Variants in EMSY observed in about 807,000 individuals in gnomAD.
EMSY encodes the protein EMSY transcriptional repressor, BRCA2 interacting, also known as BRCA2-interacting transcriptional repressor EMSY.
In EMSY, 26 loss-of-function variants were observed where a neutral mutation model predicts 134.6. The ratio of observed to expected loss-of-function variants is 0.19; its 90% confidence interval spans 0.14 to 0.27. The LOEUF is 0.27. Among genes scored for constraint, EMSY ranks in the 10% least tolerant of loss-of-function variants. The pLI is 1.00. For synonymous variants in EMSY, 579 were observed against 577.8 expected, an observed-to-expected ratio of 1.00 and a Z score of -0.03; for missense variants, 1,305 against 1,611.4, an observed-to-expected ratio of 0.81 and a Z score of 3.26.
intron 13 of EMSY, 92 bp from the exon 15 acceptor site, chr11:76,528,176 A>G (rs560079067): frequency 1.8e-6 from 2 of 1,117,360 alleles, no homozygotes; most frequent in South Asian, 3.0e-5. Flanking sequence ...TAGTTTCCAT[A>G]CCAGGAAAAT....
At chr11:76,493,967 C>A (rs909317947) in intron 8 of EMSY, among the ~76,000 whole-genome samples, 2 of 152,260 alleles carry the variant, frequency 1.3e-5, no homozygotes, top group Non-Finnish European at 2.9e-5. Context: ...GGCTCTGACA[C>A]CCTCTTTGGG....
chr11:76,458,090 A>G (rs939460143), intron 4 of EMSY, 93 bp from the exon 6 acceptor site: 2 of 1,233,068 alleles, frequency 1.6e-6, no homozygotes, highest in Non-Finnish European at 1.1e-6. Context: ...GGCACTTTTT[A>G]TAATTTAAAA....
chr11:76,465,949 G>A (rs1199662695), intron 7 of EMSY, among the ~76,000 whole-genome samples: 1 of 152,140 alleles, frequency 6.6e-6, no homozygotes, highest in African/African-American at 2.4e-5. Flanking sequence ...TGTTTGGACT[G>A]GTAGGATTGT....
chr11:76,521,471 C>A (rs771885821), intron 11 of EMSY, among the ~76,000 whole-genome samples: 11 of 152,156 alleles, frequency 7.2e-5, no homozygotes, highest in Non-Finnish European at 1.3e-4. Flanking sequence ...GGAGTTAAGA[C>A]GAGGAAACAG....
intron 12 of EMSY, among the ~76,000 whole-genome samples, chr11:76,524,596 A>AG (rs1950777408): frequency 6.6e-6 from 1 of 152,226 alleles, no homozygotes; most frequent in South Asian, 2.1e-4. Context: ...GATATGTAAG[A>AG]GGGGATGCTT....
rs533070033 is a variant in EMSY, at chr11:76,500,086, A to T, written c.1363+3617A>T. 3.0e-4 allele frequency among the ~76,000 whole-genome samples: 46 copies of T among 151,732 alleles called. 1 individual carries two copies. Among genetic ancestry groups the T allele is most frequent in the South Asian group, 6.2e-4 (3 of 4,818 alleles). On this transcript the variant is annotated intron_variant, in intron 9 of 20. Coordinates refer to ENST00000334736, the Ensembl canonical transcript of EMSY. ...AGTGAGAGCCTATCTCAAAAAAAAA[A>T]AAAAAACCAAACCCAAAACAATAAA... is the stretch of plus-strand genomic sequence containing the variant.
In EMSY at chr11:76,465,602, TAA is replaced by T. The variant is rs58807004; in HGVS notation, c.831+1534_831+1535del. Among the ~76,000 whole-genome samples the T allele has an allele frequency of 6.9e-3, 985 of 143,156 alleles. 12 individuals are homozygous for T. The highest frequency in any genetic ancestry group is 0.024 in the African/African-American group (928 of 39,256). The allele number at this position is 143,156 out of a possible 152,430, so 93.9% of individuals were successfully genotyped here. A position where few individuals can be genotyped will look rare whatever the true frequency, so the allele number is the denominator to read the frequency against. On this transcript the variant is annotated intron_variant, in intron 7 of 20. Coordinates refer to ENST00000334736, the Ensembl canonical transcript of EMSY. ...AACTCTTTTTCTCTCAAAGTTCCTT[TAA>T]AAAAAAAAAAAGCATCCTACTCTTT...
intron 8 of EMSY, among the ~76,000 whole-genome samples, chr11:76,479,401 C>G (rs1590846271): frequency 6.6e-6 from 1 of 152,204 alleles, no homozygotes; most frequent in South Asian, 2.1e-4. Context: ...CCCAGATTCC[C>G]CTCACACAAG....
chr11:76,503,000 G>C (rs1949932831), intron 9 of EMSY, among the ~76,000 whole-genome samples: 1 of 151,918 alleles, frequency 6.6e-6, no homozygotes, highest in South Asian at 2.1e-4. Flanking sequence ...AAAAAAAGAA[G>C]TAAAAATCAC....
At chr11:76,545,467 A>G (rs926226808) in intron 19 of EMSY, among the ~76,000 whole-genome samples, 1 of 152,218 alleles carries the variant, frequency 6.6e-6, no homozygotes. Flanking sequence ...AAAGCAGAAG[A>G]TTATATGAAA....
At chr11:76,552,584 A>T (rs1014331899), downstream of EMSY, 46 of 152,232 alleles carry the variant, frequency 3.0e-4, no homozygotes, top group African/African-American at 1.0e-3. Flanking sequence ...GTAAACTTTA[A>T]TAAGTGCCTA....
chr11:76,474,536 G>A (rs1590833310), intron 8 of EMSY, among the ~76,000 whole-genome samples: 1 of 152,068 alleles, frequency 6.6e-6, no homozygotes, highest in Admixed American at 6.5e-5. Flanking sequence ...AGCAAGGAAG[G>A]GATTACATAG....
At chr11:76,525,493 A>G (rs1950813850) in intron 12 of EMSY, among the ~76,000 whole-genome samples, 1 of 152,222 alleles carries the variant, frequency 6.6e-6, no homozygotes, top group South Asian at 2.1e-4. Flanking sequence ...AAAACTGATG[A>G]GGTGAAAATT....
At chr11:76,544,801 A>G in exon 19 of EMSY, 1 of 1,614,160 alleles carries the variant, frequency 6.2e-7, no homozygotes. Context: ...CAGCTTCTTC[A>G]GAGAAACAGA....
Position 76,549,870 on chromosome 11 carries a change from T to C in EMSY, c.3775-82T>C, listed in dbSNP as rs563258068. 6 of 1,303,464 alleles carry C rather than the reference T, an allele frequency of 4.6e-6. No individual in the cohort carries two copies. In the South Asian group the frequency reaches 7.6e-5, roughly 16 times the overall value. 80.7% of individuals were successfully genotyped at this position (1,303,464 alleles called of 1,614,324 possible). A position where few individuals can be genotyped will look rare whatever the true frequency, so the allele number is the denominator to read the frequency against. ...GTCCAAAAAATGTCAGTTTTCTTTT[T>C]TTTTTTTTTCTTGATATTGTTGGGG... On this transcript the variant is annotated intron_variant, in intron 20 of 20. Coordinates refer to ENST00000334736, the Ensembl canonical transcript of EMSY.
intron 11 of EMSY, among the ~76,000 whole-genome samples, chr11:76,519,210 G>A (rs552793435): frequency 1.2e-3 from 186 of 151,684 alleles, no homozygotes; most frequent in African/African-American, 4.3e-3. Context: ...GATTACAGGC[G>A]CCTGCCACCA....
intron 6 of EMSY, among the ~76,000 whole-genome samples, chr11:76,461,613 G>T (rs1156429834): frequency 6.6e-6 from 1 of 152,192 alleles, no homozygotes; most frequent in African/African-American, 2.4e-5. Context: ...TAACTGTAGA[G>T]ACCTACTTTT....
At chr11:76,490,837 A>T (rs761354561) in intron 8 of EMSY, among the ~76,000 whole-genome samples, 4 of 151,880 alleles carry the variant, frequency 2.6e-5, no homozygotes, top group Non-Finnish European at 5.9e-5. Context: ...TGGGTTCTGG[A>T]TATGTTCATT....
At position 76,472,560 on chromosome 11, in the gene EMSY, T is replaced by C; in HGVS notation, c.832-4T>C. On this transcript the variant is annotated splice_region_variant and splice_polypyrimidine_tract_variant and intron_variant, in intron 7 of 20. Transcript: ENST00000334736. Reference sequence around the variant, plus strand: ...ATAAAAATAACTTATTTTTTATTCCTTAGGTTATTATAGTCACCACATCAC... The same window carrying C: ...ATAAAAATAACTTATTTTTTATTCCCTAGGTTATTATAGTCACCACATCAC... 6.2e-7 allele frequency: 1 copy of C among 1,611,220 alleles called. No homozygotes were observed. The highest frequency in any genetic ancestry group is 8.5e-7 in the Non-Finnish European group (1 of 1,177,572).
Sources: gnomAD v4.1 joint callset for allele counts (sites outside exome capture counted in the v4.1 genomes callset) on GRCh38, gnomAD v4.1.1 for gene constraint, MANE v1.5 for transcripts, NCBI Gene and HGNC (gene_info 2026-07-23, HGNC 2026-07-21) for gene names.